Variants in WFDC9 observed in about 807,000 individuals in gnomAD.
The protein encoded by WFDC9 is protein WFDC9.
WFDC9 carries 9 observed loss-of-function variants against 9.5 expected under a neutral mutation model. The ratio of observed to expected loss-of-function variants is 0.95; its 90% CI spans 0.57 to 1.65. The LOEUF is 1.65. WFDC9 is among the 40% of genes most tolerant of loss of function. WFDC9 has a pLI of 0.00. For synonymous variants in WFDC9, 33 were observed against 32.3 expected (o/e 1.02, Z -0.07); for missense variants, 87 against 106.7 (o/e 0.82, Z 0.81).
chr20:45,611,200 C>T (rs138595335), intron 2 of WFDC9, among the ~76,000 whole-genome samples: 1 of 152,094 alleles, frequency 6.6e-6, no homozygotes, highest in African/African-American at 2.4e-5. Context: ...CTTATTGGTC[C>T]GTCCTCCCTC....
Position 45,629,903 on chromosome 20 carries a change from G to A in WFDC9, c.-153+1300C>T, listed in dbSNP as rs746256843. 8 of 1,613,616 alleles carry A rather than the reference G, an allele frequency of 5.0e-6. No individual in the cohort carries two copies. The South Asian group carries it at 7.7e-5, about 16-fold the overall frequency. The stretch of plus-strand genomic sequence containing the variant: ...GATACCGTGACAAGAAGAGGATGCA[G>A]AGTAGGTGATGGGCTGCTGGATGGG... On this transcript the variant is annotated intron_variant, in intron 1 of 4. Transcript: ENST00000326000.
At chr20:45,623,153 G>T (rs1478705930) in intron 1 of WFDC9, among the ~76,000 whole-genome samples, 1 of 152,134 alleles carries the variant, frequency 6.6e-6, no homozygotes, top group African/African-American at 2.4e-5. Context: ...TGGTCATACA[G>T]TTATTCACCA....
intron 1 of WFDC9, among the ~76,000 whole-genome samples, chr20:45,630,465 G>A (rs1982335573): frequency 6.6e-6 from 1 of 152,168 alleles, no homozygotes; most frequent in East Asian, 1.9e-4. Flanking sequence ...CAAGAGGCAT[G>A]TTGATCCTCA....
chr20:45,622,810 C>G (rs554993003), intron 1 of WFDC9, among the ~76,000 whole-genome samples: 3 of 152,214 alleles, frequency 2.0e-5, no homozygotes, highest in African/African-American at 7.2e-5. Flanking sequence ...TATTTGCTAT[C>G]AGTCATTCAG....
chr20:45,616,718 T>G (rs776972276), intron 1 of WFDC9, among the ~76,000 whole-genome samples: 26 of 152,218 alleles, frequency 1.7e-4, no homozygotes, highest in Non-Finnish European at 3.4e-4. Flanking sequence ...ATGAAAACAT[T>G]GATCTCTTCA....
At chr20:45,614,150 T>C (rs2425715) in intron 2 of WFDC9, among the ~76,000 whole-genome samples, 57,726 of 152,020 alleles carry the variant, frequency 0.38, 11,370 homozygotes, top group African/African-American at 0.48. Context: ...CCCCTTGCCC[T>C]TTAAAGGTGT....
At chr20:45,630,958 T>A in intron 1 of WFDC9, 1 of 1,612,210 alleles carries the variant, frequency 6.2e-7, no homozygotes, top group Non-Finnish European at 8.5e-7. Flanking sequence ...ACCGAGATTG[T>A]CAAGCAAATA....
chr20:45,620,687 T>C (rs1180762870), intron 1 of WFDC9, among the ~76,000 whole-genome samples: 1 of 152,244 alleles, frequency 6.6e-6, no homozygotes, highest in Non-Finnish European at 1.5e-5. Context: ...TACACATATA[T>C]ACAATTGTTA....
chr20:45,629,738 C>T lies in WFDC9; in HGVS notation c.-153+1465G>A. 4 of 1,531,702 alleles carry T rather than the reference C, an allele frequency of 2.6e-6. 1 individual carries two copies. The South Asian group carries it at 3.6e-5, about 14-fold the overall frequency. The allele number at this position is 1,531,702 out of a possible 1,614,324, so 94.9% of individuals were successfully genotyped here. ...AAGATCATTCCTTCTTTCCTTCCTT[C>T]ACTCTCCGTAGACAGCTCTGCAGGG... On this transcript the variant is annotated intron_variant, in intron 1 of 4. Transcript: ENST00000326000.
At chr20:45,615,494 G>A (rs1981952593) in intron 1 of WFDC9, among the ~76,000 whole-genome samples, 1 of 152,114 alleles carries the variant, frequency 6.6e-6, no homozygotes, top group South Asian at 2.1e-4. Flanking sequence ...GCATACCTCG[G>A]AGATATTGCA....
At chr20:45,622,109 A>G (rs536663279) in intron 1 of WFDC9, among the ~76,000 whole-genome samples, 1 of 148,308 alleles carries the variant, frequency 6.7e-6, no homozygotes, top group East Asian at 1.9e-4. Context: ...ATGTCTTAGA[A>G]CAATTTTATT....
chr20:45,616,077 T>C lies in WFDC9; in HGVS notation c.-152-1356A>G, dbSNP rs367574763. 5.9e-5 allele frequency among the ~76,000 whole-genome samples: 9 copies of C among 152,332 alleles called. No individual in the cohort carries two copies. In the East Asian group the frequency reaches 1.3e-3, roughly 23 times the overall value. On this transcript the variant is annotated intron_variant, in intron 1 of 4. Transcript: ENST00000326000. ...AGAACAATGATGTTTGCCACATCAA[T>C]TGATTGATCCTTTCAAGAAAGATTT...
chr20:45,613,127 A>G (rs1383403001), intron 2 of WFDC9, among the ~76,000 whole-genome samples: 1 of 152,270 alleles, frequency 6.6e-6, no homozygotes, highest in African/African-American at 2.4e-5. Flanking sequence ...AGTCATTTCA[A>G]GTATTCAATG....
At chr20:45,617,177 C>A (rs1353586120) in intron 1 of WFDC9, among the ~76,000 whole-genome samples, 1 of 152,216 alleles carries the variant, frequency 6.6e-6, no homozygotes, top group East Asian at 1.9e-4. Context: ...TATGTATAGG[C>A]CAAGTGCAGT....
At chr20:45,616,276 A>T (rs1209726912) in intron 1 of WFDC9, among the ~76,000 whole-genome samples, 1 of 152,188 alleles carries the variant, frequency 6.6e-6, no homozygotes, top group Admixed American at 6.5e-5. Context: ...AGCAGATTCC[A>T]TTCAAAGAAA....
intron 1 of WFDC9, among the ~76,000 whole-genome samples, chr20:45,623,496 G>A (rs932342379): frequency 2.5e-4 from 38 of 151,810 alleles, no homozygotes; most frequent in African/African-American, 9.2e-4. Context: ...GTGTGGTGGC[G>A]GGCACCTGTA....
intron 1 of WFDC9, among the ~76,000 whole-genome samples, chr20:45,621,848 C>G (rs6104249): frequency 0.18 from 27,413 of 152,124 alleles, 2,675 homozygotes; most frequent in East Asian, 0.32. Flanking sequence ...CACCTTTTCC[C>G]TTTGTTGACT....
At chr20:45,613,828 A>G (rs1981913623) in intron 2 of WFDC9, among the ~76,000 whole-genome samples, 1 of 152,204 alleles carries the variant, frequency 6.6e-6, no homozygotes, top group East Asian at 1.9e-4. Context: ...ATACCAGCAC[A>G]TGGCAAGACA....
At chr20:45,608,911 A>C (rs1981792457) in intron 3 of WFDC9, 101 bp from the exon 4 acceptor site, 16 of 1,299,982 alleles carry the variant, frequency 1.2e-5, no homozygotes, top group Non-Finnish European at 1.6e-5. Context: ...TCCAAGCCAC[A>C]AAGTATTTCT....
Sources: gnomAD v4.1 joint callset for allele counts (sites outside exome capture counted in the v4.1 genomes callset) on GRCh38, gnomAD v4.1.1 for gene constraint, MANE v1.5 for transcripts, NCBI Gene and HGNC (gene_info 2026-07-23, HGNC 2026-07-21) for gene names.